Variants in PER3 observed in about 807,000 individuals in gnomAD.
The protein encoded by PER3 is period circadian protein homolog 3.
In PER3, 107 loss-of-function variants were observed where a neutral mutation model predicts 127.2. The ratio of observed to expected loss-of-function variants is 0.84; its 90% CI spans 0.72 to 0.99. The LOEUF (loss-of-function observed/expected upper bound fraction) is 0.99. PER3 is among the 50% of genes least tolerant of loss of function. The pLI is 0.00. For synonymous variants in PER3, 618 were observed against 585.8 expected (o/e 1.05, Z -0.79); for missense variants, 1,560 against 1,525.8 (o/e 1.02, Z -0.37).
chr1:7,823,354 A>G (rs899203927), intron 16 of PER3, among the ~76,000 whole-genome samples: 35 of 152,238 alleles, frequency 2.3e-4, no homozygotes, highest in African/African-American at 8.2e-4. Flanking sequence ...TTTGAAAGCT[A>G]TGAAGCAGCC....
chr1:7,797,800 G>C (rs2150608086), intron 6 of PER3, among the ~76,000 whole-genome samples: 1 of 152,230 alleles, frequency 6.6e-6, no homozygotes, highest in South Asian at 2.1e-4. Flanking sequence ...ATTCAGTCTT[G>C]GGCTTTTTGA....
Position 7,830,178 on chromosome 1 carries a change from A to G in PER3, c.3214+17A>G, listed in dbSNP as rs2097324441. On this transcript the variant is annotated intron_variant, in intron 19 of 21. Transcript: ENST00000377532. ...CAGCATCAGGTAGTGGATCAGGACAACTAATGTTTCAAACTCCAATGCCAG... is the reference window on the plus strand; with the variant it reads ...CAGCATCAGGTAGTGGATCAGGACAGCTAATGTTTCAAACTCCAATGCCAG... 6.2e-7 allele frequency: 1 copy of G among 1,603,012 alleles called. No homozygotes were observed. Among genetic ancestry groups the G allele is most frequent in the East Asian group, 2.2e-5 (1 of 44,734 alleles).
chr1:7,800,875 T>C (rs2097167852), intron 7 of PER3, among the ~76,000 whole-genome samples: 1 of 151,870 alleles, frequency 6.6e-6, no homozygotes, highest in African/African-American at 2.4e-5. Context: ...ACATTCTTTC[T>C]CTCTCTGTTT....
Position 7,827,157 on chromosome 1 carries a change from G to T in PER3, c.2228G>T (p.Arg743Met). The T allele has an allele frequency of 6.2e-7, 1 of 1,609,972 alleles. No individual in the cohort carries two copies. Among genetic ancestry groups the T allele is most frequent in the Non-Finnish European group, 8.5e-7 (1 of 1,178,400 alleles). Residue 743 changes from arginine to methionine, a missense_variant, in exon 18 of 22, where the codon AGG becomes ATG. Physicochemically the swap from Arg to Met is moderately conservative, Grantham distance 91. This residue lies in a region of PER3 where 1,332 missense variants were observed against 1,223.6 expected (regional missense o/e 1.09). Coordinates refer to ENST00000377532, the MANE Select transcript of PER3 (RefSeq NM_001377275.1). ...AAGCAGACGCGGTCGGCCGGCTGCA[G>T]GAAAGGGAAGCACAAGCGGAAGAAG... ...TSKQTRSAGC[R>M]KGKHKRKKLP...
chr1:7,829,343 C>G (rs1442280623), intron 18 of PER3, among the ~76,000 whole-genome samples: 1 of 152,178 alleles, frequency 6.6e-6, no homozygotes, highest in South Asian at 2.1e-4. Flanking sequence ...ATAGAAGATT[C>G]GTTTTTGCCT....
chr1:7,813,617 C>G (rs1355155400), intron 13 of PER3, among the ~76,000 whole-genome samples: 1 of 152,178 alleles, frequency 6.6e-6, no homozygotes, highest in African/African-American at 2.4e-5. Flanking sequence ...CCAAACCAGC[C>G]ACCAGCTGAG....
intron 18 of PER3, 139 bp from the exon 19 acceptor site, chr1:7,829,695 A>G (rs1027643340): frequency 4.4e-6 from 3 of 678,916 alleles, no homozygotes; most frequent in Admixed American, 5.7e-5. Flanking sequence ...TATTTCTGGA[A>G]TTTTCCATTT....
At chr1:7,804,873 CTTT>C (rs35036651) in intron 10 of PER3, among the ~76,000 whole-genome samples, 2 of 143,402 alleles carry the variant, frequency 1.4e-5, no homozygotes, top group East Asian at 2.1e-4. Flanking sequence ...ATCTTTAGTC[CTTT>C]TTTTTTTTTT....
In PER3 at chr1:7,843,810, C is replaced by T. The variant is rs938778498; in HGVS notation, c.*1055C>T. On this transcript the variant is annotated 3_prime_UTR_variant, in exon 22 of 22. Coordinates refer to ENST00000377532, the MANE Select transcript of PER3 (RefSeq NM_001377275.1). ...GGGTCCTGCAGGCTCCATCAGTCAC[C>T]GCTTTCTATGGCGTTTGTAGTTGTG... The T allele has an allele frequency of 3.6e-5, 29 of 797,814 alleles. No homozygotes were observed. The highest frequency in any genetic ancestry group is 2.6e-4 in the African/African-American group (14 of 53,252). The allele number at this position is 797,814 out of a possible 1,614,324, so 49.4% of individuals were successfully genotyped here.
chr1:7,826,471 C>T lies in PER3; in HGVS notation c.1958-9C>T. The T allele has an allele frequency of 6.6e-7, 1 of 1,504,774 alleles. No homozygotes were observed. The highest frequency in any genetic ancestry group is 9.3e-7 in the Non-Finnish European group (1 of 1,081,016). 93.2% of individuals were successfully genotyped at this position (1,504,774 alleles called of 1,614,324 possible). On this transcript the variant is annotated splice_polypyrimidine_tract_variant and intron_variant, in intron 16 of 21. Coordinates refer to ENST00000377532, the MANE Select transcript of PER3 (RefSeq NM_001377275.1). This position sits in a 1 kb window ranked among gnomAD's most constrained non-coding sequence, Gnocchi z 4.2. ...GAATTAAAATTAAATATGTCTTCTT[C>T]CACCTCAGCCAGGGATGCTACCCTC...
In PER3 at chr1:7,810,037, T is replaced by A. The variant is rs374855291; in HGVS notation, c.1371+16T>A. ...GGCGGAGCAGGTGCATGGGCTTATG[T>A]CACATTCTTATACAGGCATCGTGTT... is the stretch of plus-strand genomic sequence containing the variant. On this transcript the variant is annotated intron_variant, in intron 12 of 21. Coordinates refer to ENST00000377532, the MANE Select transcript of PER3 (RefSeq NM_001377275.1). The A allele has an allele frequency of 6.2e-7, 1 of 1,609,190 alleles. No homozygotes were observed. Among genetic ancestry groups the A allele is most frequent in the Non-Finnish European group, 8.5e-7 (1 of 1,176,824 alleles).
chr1:7,796,476 A>G (rs112970409), intron 6 of PER3, among the ~76,000 whole-genome samples: 1,775 of 151,820 alleles, frequency 0.012, 31 homozygotes, highest in African/African-American at 0.041. Flanking sequence ...GCACCGCCAC[A>G]GCTAATTTTT....
At chr1:7,832,785 C>T (rs2151223337) in intron 19 of PER3, among the ~76,000 whole-genome samples, 1 of 151,922 alleles carries the variant, frequency 6.6e-6, no homozygotes, top group East Asian at 1.9e-4. Context: ...ATTTTTCCCC[C>T]CCAATATAAA....
chr1:7,835,025 G>A (rs900400083), intron 19 of PER3, among the ~76,000 whole-genome samples: 1 of 152,092 alleles, frequency 6.6e-6, no homozygotes, highest in Non-Finnish European at 1.5e-5. Context: ...CATTAATTGT[G>A]TATGTTTGGT....
intron 21 of PER3, among the ~76,000 whole-genome samples, chr1:7,838,716 T>C (rs2097369770): frequency 6.6e-6 from 1 of 152,182 alleles, no homozygotes; most frequent in Non-Finnish European, 1.5e-5. Context: ...GCACACCTCA[T>C]ATGAGTGGAA....
intron 18 of PER3, among the ~76,000 whole-genome samples, 190 bp downstream of exon 18, chr1:7,828,005 G>T (rs1378937618): frequency 6.6e-6 from 1 of 152,190 alleles, no homozygotes; most frequent in African/African-American, 2.4e-5. Flanking sequence ...AAGTAGACAT[G>T]AAAGAATCAT....
In PER3 at chr1:7,830,061, A is replaced by G. The variant is rs2097323686; in HGVS notation, c.3114A>G (p.Gly1038=). ...CTACTGCCAGCACACTGTCCATGGG[A>G]TTGCCTCCCAGCAGGACTCCATCCC... ...SHPTASTLSM[G]LPPSRTPSHP... Residue 1038 remains glycine (G), a synonymous_variant, in exon 19 of 22, where the codon GGA becomes GGG. Transcript: ENST00000377532. 6.2e-7 allele frequency: 1 copy of G among 1,612,492 alleles called. No individual in the cohort carries two copies. Among genetic ancestry groups the G allele is most frequent in the Non-Finnish European group, 8.5e-7 (1 of 1,179,128 alleles).
intron 19 of PER3, 51 bp downstream of exon 19, chr1:7,830,212 T>C (rs2097324724): frequency 6.7e-7 from 1 of 1,483,852 alleles, no homozygotes; most frequent in Non-Finnish European, 9.4e-7. Flanking sequence ...AGACATTCAC[T>C]ATGTGCTGAG....
In PER3 at chr1:7,819,328, CAAT is replaced by C. The variant is rs1202711788; in HGVS notation, c.1568_1570del (p.Asn523del). On this transcript the variant is annotated inframe_deletion, in exon 14 of 22. Coordinates refer to ENST00000377532, the MANE Select transcript of PER3 (RefSeq NM_001377275.1). ...CTTCCTTCCACCAAACACTGAAAAA[CAAT>C]AGTGTGTACACTGAGCCCTGTGAGG... is the stretch of plus-strand genomic sequence containing the variant. 2 of 1,613,094 alleles carry C rather than the reference CAAT, an allele frequency of 1.2e-6. No homozygotes were observed. The highest frequency in any genetic ancestry group is 4.5e-5 in the East Asian group (2 of 44,876).
Sources: allele counts gnomAD v4.1 joint callset (sites outside exome capture counted in the v4.1 genomes callset), GRCh38; gene constraint gnomAD v4.1.1; regional missense constraint gnomAD v4.1.1; non-coding constraint Gnocchi (gnomAD v3.1); transcripts MANE v1.5; gene names NCBI Gene and HGNC (gene_info 2026-07-23, HGNC 2026-07-21).